Variants in CLASP1 observed in about 807,000 individuals in gnomAD.
The protein encoded by CLASP1 is CLIP-associating protein 1.
In CLASP1, 38 loss-of-function variants were observed where a neutral mutation model predicts 192.3. That is an observed-to-expected ratio of 0.20 (90% CI 0.15 to 0.26). CLASP1 has a LOEUF of 0.26. Ranked by LOEUF, CLASP1 falls within the 10% of genes least tolerant of loss-of-function variation. The pLI is 1.00. For synonymous variants in CLASP1, 691 were observed against 712.8 expected, an observed-to-expected ratio of 0.97 and a Z score of 0.49; for missense variants, 1,433 against 1,932.5, an observed-to-expected ratio of 0.74 and a Z score of 4.85.
At chr2:121,432,533 G>C (rs768927384) in intron 19 of CLASP1, among the ~76,000 whole-genome samples, 6 of 152,202 alleles carry the variant, frequency 3.9e-5, no homozygotes, top group Non-Finnish European at 5.9e-5. Context: ...AACAACGCCT[G>C]TTGAAATGTT....
chr2:121,373,879 A>T (rs971469587), intron 34 of CLASP1, among the ~76,000 whole-genome samples: 2 of 152,364 alleles, frequency 1.3e-5, no homozygotes, highest in African/African-American at 4.8e-5. Context: ...ACCTATATTT[A>T]AAAAGGAAGC....
intron 33 of CLASP1, among the ~76,000 whole-genome samples, chr2:121,377,870 A>G (rs972619570): frequency 9.2e-5 from 14 of 152,340 alleles, no homozygotes; most frequent in African/African-American, 3.1e-4. Context: ...TCAGCACTCA[A>G]TAAAAACCAG....
At chr2:121,584,630 C>CT (rs910647515) in intron 2 of CLASP1, among the ~76,000 whole-genome samples, 26 of 149,334 alleles carry the variant, frequency 1.7e-4, no homozygotes, top group South Asian at 1.3e-3. Context: ...CCCCACAATT[C>CT]TTTTTTTTTT....
chr2:121,587,097 C>T lies in CLASP1; in HGVS notation c.195+18604G>A, dbSNP rs113790369. Reference sequence around the variant, plus strand: ...CTCAACTAAAAATATAAAAATTAGCCGGGCACAGTGGTGCGAGCCTGTAGT... The same window carrying T: ...CTCAACTAAAAATATAAAAATTAGCTGGGCACAGTGGTGCGAGCCTGTAGT... On this transcript the variant is annotated intron_variant, in intron 2 of 39. Coordinates refer to ENST00000263710, the Ensembl canonical transcript of CLASP1. 1.4e-3 allele frequency among the ~76,000 whole-genome samples: 211 copies of T among 152,138 alleles called. 1 individual carries two copies. Among genetic ancestry groups the T allele is most frequent in the African/African-American group, 4.7e-3 (197 of 41,500 alleles).
At chr2:121,568,356 C>T (rs1364096760) in intron 2 of CLASP1, among the ~76,000 whole-genome samples, 16 of 151,908 alleles carry the variant, frequency 1.1e-4, no homozygotes, top group Non-Finnish European at 1.5e-5. Context: ...CTTCAGAGCC[C>T]CTGGTCCTCA....
At chr2:121,478,957 C>T (rs1575285141) in intron 8 of CLASP1, among the ~76,000 whole-genome samples, 1 of 44,832 alleles carries the variant, frequency 2.2e-5, no homozygotes, top group Non-Finnish European at 4.7e-5. Context: ...ACACCACACA[C>T]ACACACCACA....
chr2:121,597,676 C>T (rs1559725407), intron 2 of CLASP1, among the ~76,000 whole-genome samples: 2 of 152,172 alleles, frequency 1.3e-5, no homozygotes, highest in East Asian at 1.9e-4. Flanking sequence ...AATTTTGAAA[C>T]TGCGGAGAAA....
At position 121,450,902 on chromosome 2, in the gene CLASP1, TA is replaced by T; in HGVS notation, c.1523+10del. On this transcript the variant is annotated intron_variant, in intron 16 of 39. Transcript: ENST00000263710. ...AGTTAATTTAAAAAGTGGTGTACAA[TA>T]AAAACTTACTTTCTGGCTTCTATTC... The T allele has an allele frequency of 1.3e-6, 2 of 1,586,778 alleles. No homozygotes were observed. Among genetic ancestry groups the T allele is most frequent in the Non-Finnish European group, 1.7e-6 (2 of 1,156,354 alleles).
chr2:121,553,271 T>C (rs751490712), intron 2 of CLASP1, among the ~76,000 whole-genome samples: 4 of 152,108 alleles, frequency 2.6e-5, no homozygotes, highest in Non-Finnish European at 5.9e-5. Context: ...GATGAAATAA[T>C]CTGTACAACA....
chr2:121,521,349 T>A (rs1458212583), intron 6 of CLASP1, among the ~76,000 whole-genome samples: 1 of 152,062 alleles, frequency 6.6e-6, no homozygotes, highest in Non-Finnish European at 1.5e-5. Flanking sequence ...GATATGAAAG[T>A]TGAAAACAGA....
chr2:121,533,016 A>G (rs1431608842), intron 2 of CLASP1, among the ~76,000 whole-genome samples: 1 of 152,172 alleles, frequency 6.6e-6, no homozygotes, highest in African/African-American at 2.4e-5. Context: ...CCCTTCATAC[A>G]TCGTTCAAGG....
chr2:121,354,045 C>A (rs1573663798), intron 37 of CLASP1, among the ~76,000 whole-genome samples: 2 of 152,160 alleles, frequency 1.3e-5, no homozygotes, highest in African/African-American at 4.8e-5. Flanking sequence ...TCCCAAAATG[C>A]TGGGATTACA....
At chr2:121,443,294 A>C (rs1010776233) in intron 19 of CLASP1, among the ~76,000 whole-genome samples, 1 of 151,898 alleles carries the variant, frequency 6.6e-6, no homozygotes, top group African/African-American at 2.4e-5. Context: ...AAAAAAAAAA[A>C]GTTAAAAAGT....
chr2:121,419,776 T>A (rs2079184469), intron 22 of CLASP1, among the ~76,000 whole-genome samples: 1 of 152,044 alleles, frequency 6.6e-6, no homozygotes, highest in African/African-American at 2.4e-5. Context: ...TACATGTAGG[T>A]GGAATGCCTA....
chr2:121,441,229 G>A (rs1397273346), intron 19 of CLASP1, among the ~76,000 whole-genome samples: 1 of 152,144 alleles, frequency 6.6e-6, no homozygotes, highest in Non-Finnish European at 1.5e-5. Flanking sequence ...CCAAATTACA[G>A]ATTATAAAAT....
intron 37 of CLASP1, among the ~76,000 whole-genome samples, chr2:121,353,743 T>C (rs1029237288): frequency 2.0e-5 from 3 of 152,216 alleles, no homozygotes; most frequent in Non-Finnish European, 2.9e-5. Flanking sequence ...AGGTGCTCAA[T>C]AAATAGCTGT....
intron 2 of CLASP1, among the ~76,000 whole-genome samples, chr2:121,536,927 G>A (rs115499873): frequency 0.023 from 3,543 of 152,244 alleles, 45 homozygotes; most frequent in Middle Eastern, 0.051. Flanking sequence ...CTAGTTACAT[G>A]GTGAATTTTA....
exon 31 of CLASP1, chr2:121,387,778 G>A (rs772658409): frequency 1.2e-6 from 2 of 1,613,960 alleles, no homozygotes; most frequent in Non-Finnish European, 1.7e-6. Flanking sequence ...TGGTGTTACT[G>A]GAATTCTTGA....
chr2:121,368,428 G>A (rs1277492488), intron 34 of CLASP1, among the ~76,000 whole-genome samples: 2 of 152,144 alleles, frequency 1.3e-5, no homozygotes, highest in African/African-American at 2.4e-5. Flanking sequence ...TCAAAGAACA[G>A]GACTTTAGTA....
Sources: gnomAD v4.1 joint callset for allele counts (sites outside exome capture counted in the v4.1 genomes callset) on GRCh38, gnomAD v4.1.1 for gene constraint, MANE v1.5 for transcripts, NCBI Gene and HGNC (gene_info 2026-07-23, HGNC 2026-07-21) for gene names.